The following CIMIP2A variants were observed in gnomAD, a reference collection of about 807,000 sequenced individuals.
CIMIP2A encodes the protein ciliary microtubule inner protein 2A.
chr9:137,245,805 A>G, the CIMIP2A span: 8 of 1,519,376 alleles, frequency 5.3e-6, no homozygotes, highest in South Asian at 1.3e-5. Flanking sequence ...TGGTACGCCC[A>G]TAGGTGTTCC....
chr9:137,249,970 G>C, the CIMIP2A span, among the ~76,000 whole-genome samples: 7 of 151,224 alleles, frequency 4.6e-5, no homozygotes, highest in Admixed American at 6.6e-5. Flanking sequence ...TGTGTGTCTG[G>C]AGGCCCTGCC....
At chr9:137,244,374 G>A in the CIMIP2A span, 2 of 1,596,300 alleles carry the variant, frequency 1.3e-6, no homozygotes, top group Non-Finnish European at 8.5e-7. Context: ...CTGGCCGGAG[G>A]GCCGGCACTC....
the CIMIP2A span, chr9:137,245,638 C>T: frequency 2.5e-6 from 4 of 1,609,538 alleles, no homozygotes; most frequent in African/African-American, 1.3e-5. Context: ...TGGCAGCTCA[C>T]TGGTGTAGTG....
the CIMIP2A span, chr9:137,244,559 A>G: frequency 2.5e-6 from 4 of 1,571,436 alleles, no homozygotes; most frequent in Non-Finnish European, 3.5e-6. Context: ...CCTGGCCTTC[A>G]AGGCACCCTC....
At chr9:137,253,023 A>G in the CIMIP2A span, 3 of 1,231,450 alleles carry the variant, frequency 2.4e-6, no homozygotes, top group Non-Finnish European at 3.4e-6. Flanking sequence ...CAATGTGAGG[A>G]CAAGGGTTCA....
chr9:137,251,791 A>G, the CIMIP2A span: 1 of 1,595,084 alleles, frequency 6.3e-7, no homozygotes, highest in South Asian at 1.1e-5. Flanking sequence ...GCCTGGGATG[A>G]GACACAGCCC....
chr9:137,246,967 G>A, the CIMIP2A span, among the ~76,000 whole-genome samples: 1 of 152,052 alleles, frequency 6.6e-6, no homozygotes, highest in Non-Finnish European at 1.5e-5. Flanking sequence ...GAGGCAGCCT[G>A]GCGTTTGCTT....
At chr9:137,253,024 C>T in the CIMIP2A span, 32 of 1,538,964 alleles carry the variant, frequency 2.1e-5, no homozygotes, top group Non-Finnish European at 2.8e-5. Context: ...AATGTGAGGA[C>T]AAGGGTTCAG....
the CIMIP2A span, chr9:137,244,166 C>T: frequency 6.2e-7 from 1 of 1,613,738 alleles, no homozygotes; most frequent in South Asian, 1.1e-5. Context: ...GCCCACTCTA[C>T]TCACCGGGGA....
At chr9:137,243,730 C>A in the CIMIP2A span, 3 of 1,614,178 alleles carry the variant, frequency 1.9e-6, no homozygotes, top group Non-Finnish European at 2.5e-6. Flanking sequence ...TTGCCCATTC[C>A]TTCCAGTAGG....
chr9:137,252,426 T>C, the CIMIP2A span: 1 of 1,607,670 alleles, frequency 6.2e-7, no homozygotes, highest in East Asian at 2.2e-5. Flanking sequence ...CTCTCCATCC[T>C]CCAACTACAG....
At chr9:137,245,354 C>A in the CIMIP2A span, 1 of 1,607,578 alleles carries the variant, frequency 6.2e-7, no homozygotes, top group Non-Finnish European at 8.5e-7. Context: ...CTCTTCCAGG[C>A]CTCTTCCCCG....
At chr9:137,253,035 G>C in the CIMIP2A span, 19,408 of 1,514,086 alleles carry the variant, frequency 0.013, 568 homozygotes, top group East Asian at 0.12. Flanking sequence ...AAGGGTTCAG[G>C]GGCCGGGGGT....
chr9:137,252,486 C>T, the CIMIP2A span: 1 of 1,610,428 alleles, frequency 6.2e-7, no homozygotes, highest in Non-Finnish European at 8.5e-7. Flanking sequence ...AGAGCGAAAG[C>T]CCCTTCACGC....
At chr9:137,245,289 G>A in the CIMIP2A span, 2 of 1,580,746 alleles carry the variant, frequency 1.3e-6, no homozygotes, top group South Asian at 1.2e-5. Flanking sequence ...GCTTGGCACT[G>A]GTGCATCCCC....
the CIMIP2A span, among the ~76,000 whole-genome samples, chr9:137,254,463 A>G: frequency 6.6e-6 from 1 of 152,172 alleles, no homozygotes; most frequent in East Asian, 1.9e-4. Flanking sequence ...TAGGAGTGGG[A>G]GCGGCAGGAA....
chr9:137,252,911 T>C, the CIMIP2A span: 1 of 1,598,762 alleles, frequency 6.3e-7, no homozygotes, highest in Non-Finnish European at 8.5e-7. Context: ...GAGCCCCCGC[T>C]CGCCGGCCTT....
the CIMIP2A span, chr9:137,253,393 C>A: frequency 6.6e-7 from 1 of 1,504,270 alleles, no homozygotes. Context: ...GGCTGGCCAA[C>A]CCTTCTATGG....
the CIMIP2A span, chr9:137,244,496 T>C: frequency 2.0e-6 from 3 of 1,498,348 alleles, no homozygotes; most frequent in South Asian, 1.3e-5. Context: ...GGGCGGCACC[T>C]CCGGGGACAG....
Sources: allele counts gnomAD v4.1 joint callset (sites outside exome capture counted in the v4.1 genomes callset), GRCh38; gene constraint gnomAD v4.1.1; transcripts MANE v1.5; gene names NCBI Gene and HGNC (gene_info 2026-07-23, HGNC 2026-07-21).